CADM2: variants seen among roughly 807,000 people sequenced by gnomAD.
The protein encoded by CADM2 is immunoglobulin superfamily member 4D.
A neutral mutation model predicts 49.8 loss-of-function variants in CADM2; 12 were observed. That is an observed-to-expected ratio of 0.24 (90% CI 0.15 to 0.39). CADM2 has a LOEUF of 0.39. Ranked by LOEUF, CADM2 falls within the 10% of genes least tolerant of loss-of-function variation. The pLI is 1.00. For missense variants in CADM2, 378 were observed against 492.3 expected, an observed-to-expected ratio of 0.77 and a Z score of 2.20; for synonymous variants, 214 against 175.4, an observed-to-expected ratio of 1.22 and a Z score of -1.74.
intron 1 of CADM2, among the ~76,000 whole-genome samples, chr3:85,248,672 G>T (rs1186423957): frequency 1.3e-5 from 2 of 152,090 alleles, no homozygotes; most frequent in Non-Finnish European, 2.9e-5. Context: ...GTTGTGGTTT[G>T]TATACTCACA....
chr3:85,238,864 C>T (rs932063850), intron 1 of CADM2, among the ~76,000 whole-genome samples: 1 of 151,716 alleles, frequency 6.6e-6, no homozygotes, highest in Non-Finnish European at 1.5e-5. Flanking sequence ...GGTCAAGATG[C>T]TCCTGTGTAT....
At chr3:85,250,356 C>A (rs1272935747) in intron 1 of CADM2, among the ~76,000 whole-genome samples, 1 of 151,332 alleles carries the variant, frequency 6.6e-6, no homozygotes, top group African/African-American at 2.4e-5. Flanking sequence ...TTACTTAACC[C>A]ACCACATAAT....
At chr3:85,143,642 G>A (rs931276874) in intron 1 of CADM2, among the ~76,000 whole-genome samples, 1 of 152,098 alleles carries the variant, frequency 6.6e-6, no homozygotes, top group Non-Finnish European at 1.5e-5. Flanking sequence ...AATATCCAAA[G>A]TATCATTTCT....
chr3:85,059,133 G>T lies in CADM2; in HGVS notation c.61+99465G>T, dbSNP rs2036203620. ...AGGTGCCTGTAGTCCCAGCTACTCG[G>T]GAGGCTGAGACAGGAGAATGGCGTG... is the stretch of plus-strand genomic sequence containing the variant. On this transcript the variant is annotated intron_variant, in intron 1 of 9. Transcript: ENST00000383699. 2.0e-5 allele frequency among the ~76,000 whole-genome samples: 3 copies of T among 151,992 alleles called. No individual in the cohort carries two copies. In the South Asian group the frequency reaches 6.2e-4, roughly 32 times the overall value.
intron 1 of CADM2, among the ~76,000 whole-genome samples, chr3:85,138,095 T>C (rs925711418): frequency 6.6e-6 from 1 of 151,148 alleles, no homozygotes; most frequent in Non-Finnish European, 1.5e-5. Flanking sequence ...CAGAGTCGAT[T>C]TTGGTTACTG....
chr3:85,286,025 A>G (rs1406068207), intron 1 of CADM2, among the ~76,000 whole-genome samples: 1 of 152,100 alleles, frequency 6.6e-6, no homozygotes, highest in East Asian at 1.9e-4. Context: ...AGGCTTCTCT[A>G]GGGAAGTAAG....
At chr3:85,439,556 T>A (rs2037098466) in intron 1 of CADM2, among the ~76,000 whole-genome samples, 1 of 152,188 alleles carries the variant, frequency 6.6e-6, no homozygotes, top group East Asian at 1.9e-4. Context: ...AAATTTTCTA[T>A]GTAATAGTGA....
chr3:85,572,272 G>GT (rs2062501916), intron 1 of CADM2, among the ~76,000 whole-genome samples: 1 of 152,114 alleles, frequency 6.6e-6, no homozygotes, highest in African/African-American at 2.4e-5. Flanking sequence ...GGGCGACAGA[G>GT]TAAGACTCTG....
chr3:85,826,503 A>G (rs902580513), intron 3 of CADM2, among the ~76,000 whole-genome samples: 2 of 152,068 alleles, frequency 1.3e-5, no homozygotes, highest in Non-Finnish European at 2.9e-5. Flanking sequence ...GCATAGATGC[A>G]AATGACAGAG....
At chr3:85,272,657 C>T (rs563614657) in intron 1 of CADM2, among the ~76,000 whole-genome samples, 1 of 151,338 alleles carries the variant, frequency 6.6e-6, no homozygotes, top group South Asian at 2.1e-4. Flanking sequence ...AAAACAGTAC[C>T]AGTTGTCATA....
chr3:85,270,184 C>G (rs2043208640), intron 1 of CADM2, among the ~76,000 whole-genome samples: 1 of 151,240 alleles, frequency 6.6e-6, no homozygotes, highest in South Asian at 2.1e-4. Flanking sequence ...AAAATGGAAT[C>G]AGTCCTATAG....
chr3:86,012,490 C>A (rs2106923809), intron 8 of CADM2: 3 of 1,015,922 alleles, frequency 3.0e-6, no homozygotes, highest in Non-Finnish European at 2.7e-6. Context: ...CCTCCGTGAC[C>A]CGGACCAGCG....
intron 1 of CADM2, among the ~76,000 whole-genome samples, chr3:85,069,232 G>C (rs910339486): frequency 6.6e-6 from 1 of 151,802 alleles, no homozygotes; most frequent in African/African-American, 2.4e-5. Flanking sequence ...CAGTATTTTA[G>C]CTTTGTTATT....
chr3:85,640,546 A>G (rs982868385), intron 1 of CADM2, among the ~76,000 whole-genome samples: 4 of 152,136 alleles, frequency 2.6e-5, no homozygotes, highest in African/African-American at 9.7e-5. Context: ...GCTGTAATGT[A>G]TGAGAGAGAT....
chr3:85,548,320 T>C (rs1024964246), intron 1 of CADM2, among the ~76,000 whole-genome samples: 1 of 86,028 alleles, frequency 1.2e-5, no homozygotes, highest in East Asian at 7.2e-4. Context: ...TTGAGCTCTG[T>C]CATGTTATGA....
chr3:85,821,940 A>T (rs746564556), intron 3 of CADM2, among the ~76,000 whole-genome samples: 28 of 152,142 alleles, frequency 1.8e-4, no homozygotes, highest in Non-Finnish European at 3.5e-4. Context: ...ATAGATAATT[A>T]TTATGCTTAT....
intron 1 of CADM2, among the ~76,000 whole-genome samples, chr3:85,569,886 A>T (rs62250493): frequency 0.046 from 6,961 of 152,170 alleles, 220 homozygotes; most frequent in Non-Finnish European, 0.071. Flanking sequence ...ATTATTCAGT[A>T]TTTGTATATA....
intron 1 of CADM2, among the ~76,000 whole-genome samples, chr3:85,364,797 G>C (rs2032623650): frequency 6.6e-6 from 1 of 151,932 alleles, no homozygotes; most frequent in Admixed American, 6.6e-5. Flanking sequence ...CAATAACTTC[G>C]GTCAGGAAAC....
intron 1 of CADM2, among the ~76,000 whole-genome samples, chr3:84,979,866 T>G (rs1429988339): frequency 6.6e-6 from 1 of 152,148 alleles, no homozygotes; most frequent in Non-Finnish European, 1.5e-5. Flanking sequence ...AAAAGTGTGC[T>G]GTCTTCAAGA....
Sources: allele counts gnomAD v4.1 joint callset (sites outside exome capture counted in the v4.1 genomes callset), GRCh38; gene constraint gnomAD v4.1.1; transcripts MANE v1.5; gene names NCBI Gene and HGNC (gene_info 2026-07-23, HGNC 2026-07-21).